The following DEAF1 variants were observed in gnomAD, a reference collection of about 807,000 sequenced individuals.
DEAF1 encodes the protein DEAF1 transcription factor, also known as deformed epidermal autoregulatory factor 1 homolog.
In DEAF1, 53 loss-of-function variants were observed where a neutral mutation model predicts 58.9. The ratio of observed to expected loss-of-function variants is 0.90; its 90% CI spans 0.72 to 1.13. DEAF1 has a LOEUF of 1.13. DEAF1 is among the 50% of genes most tolerant of loss of function. DEAF1 has a pLI of 0.00. For synonymous variants in DEAF1, 385 were observed against 340.4 expected (o/e 1.13, Z -1.44); for missense variants, 685 against 791.4 (o/e 0.87, Z 1.61).
intron 11 of DEAF1, among the ~76,000 whole-genome samples, chr11:647,121 G>A (rs1589966834): frequency 6.6e-6 from 1 of 152,198 alleles, no homozygotes; most frequent in East Asian, 1.9e-4. Flanking sequence ...TGGCACCACT[G>A]GACTGCAGCC....
At chr11:647,496 C>T (rs1436276135) in intron 11 of DEAF1, among the ~76,000 whole-genome samples, 2 of 151,982 alleles carry the variant, frequency 1.3e-5, no homozygotes, top group Non-Finnish European at 2.9e-5. Context: ...CAAATAAAAA[C>T]CAAAAATAAG....
At chr11:670,785 T>G (rs1334853180) in intron 10 of DEAF1, among the ~76,000 whole-genome samples, 2 of 146,520 alleles carry the variant, frequency 1.4e-5, no homozygotes, top group African/African-American at 5.0e-5. Context: ...TTGTTTTTTT[T>G]TTTTTTTTTT....
At chr11:659,836 G>A (rs1859236813) in intron 10 of DEAF1, among the ~76,000 whole-genome samples, 4 of 152,224 alleles carry the variant, frequency 2.6e-5, no homozygotes, top group Admixed American at 2.0e-4. Context: ...TGAGCAGGAA[G>A]CCAGCGGTAG....
upstream of DEAF1, among the ~76,000 whole-genome samples, chr11:697,065 A>G (rs1251712232): frequency 2.0e-5 from 3 of 150,640 alleles, no homozygotes; most frequent in Admixed American, 1.3e-4. Context: ...GCACCATTGC[A>G]CTGCAGCCTG....
At chr11:654,484 C>T (rs575658303) in intron 10 of DEAF1, 103 of 454,420 alleles carry the variant, frequency 2.3e-4, no homozygotes, top group African/African-American at 1.5e-3. Flanking sequence ...CTCTTGACTG[C>T]GCCTCTGCCC....
At chr11:697,754 C>T (rs1861265998), upstream of DEAF1, 1 of 152,216 alleles carries the variant, frequency 6.6e-6, no homozygotes, top group Non-Finnish European at 1.5e-5. Context: ...AAAGAGTGGC[C>T]TGCCGGGAAC....
chr11:705,893 G>A (rs1861690924), intron 1 of DEAF1, among the ~76,000 whole-genome samples: 1 of 152,198 alleles, frequency 6.6e-6, no homozygotes, highest in East Asian at 1.9e-4. Flanking sequence ...TCGAGGCCTC[G>A]CCCTGCTCAT....
At chr11:672,826 C>T (rs1304404532) in intron 10 of DEAF1, among the ~76,000 whole-genome samples, 1 of 150,750 alleles carries the variant, frequency 6.6e-6, no homozygotes, top group Non-Finnish European at 1.5e-5. Context: ...CCAGCCTGAG[C>T]GACACAGCAA....
rs1019037240 is a variant in DEAF1, at chr11:653,817, G to A, written c.1593+145C>T. ...CTTCTGCAGGGTCTTCACGGAGCCA[G>A]GCAGGAGCCCCGGATTCCCAGAGGG... On this transcript the variant is annotated intron_variant, in intron 11 of 11. Transcript: ENST00000382409. 11 of 754,900 alleles carry A rather than the reference G, an allele frequency of 1.5e-5. No homozygotes were observed. The African/African-American group carries it at 1.9e-4, about 13-fold the overall frequency. 46.8% of individuals were successfully genotyped at this position (754,900 alleles called of 1,614,324 possible). A position where few individuals can be genotyped will look rare whatever the true frequency, so the allele number is the denominator to read the frequency against.
At chr11:657,984 C>A (rs1215718342) in intron 10 of DEAF1, among the ~76,000 whole-genome samples, 1 of 152,174 alleles carries the variant, frequency 6.6e-6, no homozygotes, top group East Asian at 1.9e-4. Context: ...CAGGGACACC[C>A]AGCGACGGTT....
intron 10 of DEAF1, among the ~76,000 whole-genome samples, chr11:660,023 C>G (rs1373914449): frequency 1.3e-5 from 2 of 152,154 alleles, no homozygotes; most frequent in Non-Finnish European, 2.9e-5. Flanking sequence ...TTGAGGTCTG[C>G]CCCCGGGACC....
intron 1 of DEAF1, among the ~76,000 whole-genome samples, chr11:701,406 CTTTTTT>C (rs71022955): frequency 1.1e-4 from 7 of 64,900 alleles, no homozygotes; most frequent in African/African-American, 4.4e-4. Context: ...GACAAGGTTT[CTTTTTT>C]TTTTTTTTTT....
At position 695,181 on chromosome 11, in the gene DEAF1, C is replaced by A; in HGVS notation, c.-134G>T. On this transcript the variant is annotated 5_prime_UTR_variant, in exon 1 of 12. Coordinates refer to ENST00000382409, the MANE Select transcript of DEAF1 (RefSeq NM_021008.4). ...CCCGAAGCCGCCGCCCGAATAGGGACCGAAAAGGCAGCCAGCCGCCGAGCA... is the reference window on the plus strand; with the variant it reads ...CCCGAAGCCGCCGCCCGAATAGGGAACGAAAAGGCAGCCAGCCGCCGAGCA... The A allele has an allele frequency of 1.2e-6, 1 of 819,246 alleles. No individual in the cohort carries two copies. Among genetic ancestry groups the A allele is most frequent in the Non-Finnish European group, 1.7e-6 (1 of 595,778 alleles). 50.7% of individuals were successfully genotyped at this position (819,246 alleles called of 1,614,324 possible).
intron 10 of DEAF1, among the ~76,000 whole-genome samples, chr11:657,634 G>C (rs557621380): frequency 2.0e-5 from 3 of 152,344 alleles, no homozygotes; most frequent in South Asian, 4.1e-4. Context: ...ACAGACACCT[G>C]ACTCTGGTGA....
At chr11:674,818 T>C in intron 9 of DEAF1, 35 bp from the exon 10 acceptor site, 2 of 1,604,348 alleles carry the variant, frequency 1.2e-6, no homozygotes, top group Non-Finnish European at 1.7e-6. Context: ...AACCAAGAAA[T>C]TAATACATCT....
chr11:686,763 G>T, intron 5 of DEAF1, 95 bp downstream of exon 5: 1 of 1,554,504 alleles, frequency 6.4e-7, no homozygotes, highest in South Asian at 1.1e-5. Flanking sequence ...CCATTTGTCT[G>T]ACCCCGTGGT....
chr11:644,302 A>C lies in DEAF1; in HGVS notation c.*248T>G, dbSNP rs112961503. ...GCGTCGCAGCACAGGCCCTGTGGGC[A>C]AGACCGGACGCTCATGATCCCAGGG... is the stretch of plus-strand genomic sequence containing the variant. On this transcript the variant is annotated 3_prime_UTR_variant, in exon 12 of 12. Coordinates refer to ENST00000382409, the MANE Select transcript of DEAF1 (RefSeq NM_021008.4). The surrounding 1 kb of genome is among the most constrained non-coding windows in gnomAD (Gnocchi z 4.3). 0.028 allele frequency: 16,661 copies of C among 589,376 alleles called. 370 individuals carry two copies. Among genetic ancestry groups the C allele is most frequent in the Non-Finnish European group, 0.041 (13,283 of 327,966 alleles). 36.5% of individuals were successfully genotyped at this position (589,376 alleles called of 1,614,324 possible).
upstream of DEAF1, chr11:695,686 G>C: frequency 1.6e-6 from 2 of 1,243,790 alleles, no homozygotes; most frequent in Non-Finnish European, 2.0e-6. Flanking sequence ...ATCGGGCCTC[G>C]GCCGTGGCTC....
intron 1 of DEAF1, chr11:703,924 G>A (rs1382702294): frequency 2.4e-5 from 30 of 1,243,980 alleles, no homozygotes; most frequent in Non-Finnish European, 2.7e-5. Context: ...TGCACGGAGT[G>A]CTAAACAAAT....
Sources: gnomAD v4.1 joint callset for allele counts (sites outside exome capture counted in the v4.1 genomes callset) on GRCh38, gnomAD v4.1.1 for gene constraint, Gnocchi (gnomAD v3.1) non-coding constraint, MANE v1.5 for transcripts, NCBI Gene and HGNC (gene_info 2026-07-23, HGNC 2026-07-21) for gene names.